Variants in ASPH observed in about 807,000 individuals in gnomAD.
ASPH encodes aspartate beta-hydroxylase, also known as aspartyl/asparaginyl beta-hydroxylase.
A neutral mutation model predicts 118.4 loss-of-function variants in ASPH; 100 were observed. The ratio of observed to expected loss-of-function variants is 0.84; its 90% CI spans 0.72 to 1.00. The LOEUF (loss-of-function observed/expected upper bound fraction) is 1.00. Among genes scored for constraint, ASPH ranks in the 50% least tolerant of loss-of-function variants. The pLI is 0.00. For missense variants in ASPH, 920 were observed against 919.5 expected (o/e 1.00, Z -0.01); for synonymous variants, 315 against 325.6 (o/e 0.97, Z 0.35).
intron 16 of ASPH, among the ~76,000 whole-genome samples, chr8:61,576,100 T>C (rs1835046223): frequency 1.3e-5 from 2 of 152,220 alleles, no homozygotes. Context: ...TCTGTGAGCA[T>C]AATAAACTTG....
chr8:61,530,153 G>A lies in ASPH; in HGVS notation c.1765-4041C>T, dbSNP rs533788616. ...AAACCTGAAGGCTCACAAACAGCAG[G>A]CAATGCCTACATTTTTAAAAGCCTC... is the stretch of plus-strand genomic sequence containing the variant. On this transcript the variant is annotated intron_variant, in intron 21 of 24. Transcript: ENST00000379454. Among the ~76,000 whole-genome samples, 4 of 152,252 alleles carry A rather than the reference G, an allele frequency of 2.6e-5. No homozygotes were observed. In the South Asian group the frequency reaches 6.2e-4, roughly 24 times the overall value.
intron 1 of ASPH, among the ~76,000 whole-genome samples, chr8:61,698,302 C>G (rs545788785): frequency 6.6e-6 from 1 of 152,234 alleles, no homozygotes; most frequent in Non-Finnish European, 1.5e-5. Context: ...ACCCCTGTGA[C>G]TGACTAAAAT....
intron 13 of ASPH, chr8:61,624,314 G>A (rs1210430650): frequency 1.0e-6 from 1 of 985,102 alleles, no homozygotes; most frequent in African/African-American, 1.7e-5. Flanking sequence ...ATGGCTGCAG[G>A]GGCTATTTAA....
chr8:61,666,557 C>T (rs1819709504), intron 3 of ASPH, among the ~76,000 whole-genome samples: 1 of 152,150 alleles, frequency 6.6e-6, no homozygotes, highest in Admixed American at 6.5e-5. Context: ...ATCAAAATCA[C>T]ATAAAACTTA....
Position 61,564,260 on chromosome 8 carries a change from G to C in ASPH, c.1301-1380C>G, listed in dbSNP as rs77258307. Among the ~76,000 whole-genome samples the C allele has an allele frequency of 8.1e-3, 1,230 of 151,748 alleles. 13 individuals are homozygous for C. Among genetic ancestry groups the C allele is most frequent in the African/African-American group, 0.028 (1,181 of 41,442 alleles). The stretch of plus-strand genomic sequence containing the variant: ...AACAGTGCTAAGCAGAGCCATAGTG[G>C]AGACTGAGGCAAGAGGAAAACTCAG... On this transcript the variant is annotated intron_variant, in intron 17 of 24. Coordinates refer to ENST00000379454, the MANE Select transcript of ASPH (RefSeq NM_004318.4).
chr8:61,708,185 G>C (rs1837182488), intron 1 of ASPH, among the ~76,000 whole-genome samples: 2 of 152,102 alleles, frequency 1.3e-5, no homozygotes, highest in Admixed American at 6.6e-5. Context: ...GCTTAAATAT[G>C]TACTATTTCA....
chr8:61,691,527 A>T (rs1371393874), intron 1 of ASPH, among the ~76,000 whole-genome samples: 1 of 152,228 alleles, frequency 6.6e-6, no homozygotes, highest in East Asian at 1.9e-4. Context: ...TTATTAAGAC[A>T]AATATTCTGG....
Position 61,567,324 on chromosome 8 carries a change from A to G in ASPH, c.1150-6T>C. On this transcript the variant is annotated splice_region_variant and splice_polypyrimidine_tract_variant and intron_variant, in intron 16 of 24. Transcript: ENST00000379454. ...TCAGCCAAATCATCCTCACACTAGAAGAAGTCCCCAGACTGGATAAATGTC... is the reference window on the plus strand; with the variant it reads ...TCAGCCAAATCATCCTCACACTAGAGGAAGTCCCCAGACTGGATAAATGTC... The G allele has an allele frequency of 6.2e-7, 1 of 1,612,588 alleles. No homozygotes were observed. Among genetic ancestry groups the G allele is most frequent in the Non-Finnish European group, 8.5e-7 (1 of 1,179,216 alleles).
intron 21 of ASPH, among the ~76,000 whole-genome samples, chr8:61,546,283 A>C (rs1255127860): frequency 2.6e-5 from 4 of 152,210 alleles, no homozygotes; most frequent in African/African-American, 9.6e-5. Flanking sequence ...TCAATCAGTA[A>C]CATTTCTTGT....
chr8:61,509,153 G>A (rs1247262365), intron 24 of ASPH, among the ~76,000 whole-genome samples: 1 of 152,142 alleles, frequency 6.6e-6, no homozygotes, highest in African/African-American at 2.4e-5. Flanking sequence ...GAAAGAAAAA[G>A]TCATAGTGTT....
intron 22 of ASPH, among the ~76,000 whole-genome samples, chr8:61,521,039 T>A (rs1812773738): frequency 6.6e-6 from 1 of 152,180 alleles, no homozygotes; most frequent in Non-Finnish European, 1.5e-5. Context: ...TCACGTCTGA[T>A]CATGAGGGTC....
intron 13 of ASPH, among the ~76,000 whole-genome samples, chr8:61,619,542 G>A (rs778820983): frequency 1.1e-4 from 16 of 152,168 alleles, no homozygotes; most frequent in African/African-American, 3.9e-4. Context: ...AAGCCCAGAT[G>A]AGAAGCCAGA....
chr8:61,675,350 A>G (rs1824744499), intron 3 of ASPH: 6 of 963,292 alleles, frequency 6.2e-6, no homozygotes, highest in Non-Finnish European at 7.4e-6. Context: ...AAAAATACAA[A>G]TTACTTTCTC....
chr8:61,673,362 T>C (rs1251180754), intron 3 of ASPH, among the ~76,000 whole-genome samples: 1 of 152,096 alleles, frequency 6.6e-6, no homozygotes, highest in Non-Finnish European at 1.5e-5. Context: ...GCTAAAGGGC[T>C]GAAAAGAATC....
intron 3 of ASPH, 135 bp from the exon 4 acceptor site, chr8:61,653,795 A>G (rs1470703278): frequency 4.5e-6 from 4 of 881,904 alleles, no homozygotes; most frequent in Non-Finnish European, 6.7e-6. Context: ...GTATGCTTAA[A>G]AAGTGAGGTA....
chr8:61,698,497 T>C (rs1834460260), intron 1 of ASPH, among the ~76,000 whole-genome samples: 3 of 152,268 alleles, frequency 2.0e-5, no homozygotes, highest in African/African-American at 7.2e-5. Context: ...TTGTCAGCTA[T>C]CTGGAAGCTC....
At chr8:61,684,740 A>G (rs1387709052) in intron 1 of ASPH, 1 of 152,256 alleles carries the variant, frequency 6.6e-6, no homozygotes, top group Non-Finnish European at 1.5e-5. Flanking sequence ...CTCATTCACA[A>G]TTGGTCTCAC....
intron 7 of ASPH, 88 bp downstream of exon 7, chr8:61,644,512 T>C: frequency 4.8e-6 from 4 of 840,414 alleles, no homozygotes; most frequent in Non-Finnish European, 6.8e-6. Flanking sequence ...TTTAAATATA[T>C]CATTAATAAT....
At chr8:61,514,043 G>A (rs1337775071) in intron 24 of ASPH, among the ~76,000 whole-genome samples, 1 of 152,100 alleles carries the variant, frequency 6.6e-6, no homozygotes, top group African/African-American at 2.4e-5. Context: ...TTGTTGGAGT[G>A]CAGTGGCGCA....
Sources: gnomAD v4.1 joint callset for allele counts (sites outside exome capture counted in the v4.1 genomes callset) on GRCh38, gnomAD v4.1.1 for gene constraint, MANE v1.5 for transcripts, NCBI Gene and HGNC (gene_info 2026-07-23, HGNC 2026-07-21) for gene names.